The following CSMD1 variants were observed in gnomAD, a reference collection of about 807,000 sequenced individuals.
CSMD1 encodes CUB and sushi domain-containing protein 1.
In CSMD1, 213 loss-of-function variants were observed where a neutral mutation model predicts 417.5. The observed-to-expected ratio is 0.51, with a 90% CI of 0.46 to 0.57. CSMD1 has a LOEUF of 0.57. Among genes scored for constraint, CSMD1 ranks in the 20% least tolerant of loss-of-function variants. CSMD1 has a pLI of 0.00. For missense variants in CSMD1, 6,923 were observed against 4,529.7 expected, an observed-to-expected ratio of 1.53 and a Z score of -15.17; for synonymous variants, 2,862 against 1,736.8, an observed-to-expected ratio of 1.65 and a Z score of -16.11.
intron 3 of CSMD1, among the ~76,000 whole-genome samples, chr8:4,052,435 G>C (rs113795295): frequency 3.3e-5 from 5 of 152,138 alleles, no homozygotes; most frequent in African/African-American, 9.7e-5. Context: ...CAAATATCTT[G>C]TAGTGAGGGG....
intron 1 of CSMD1, among the ~76,000 whole-genome samples, chr8:4,918,392 C>A (rs750270189): frequency 6.6e-6 from 1 of 152,152 alleles, no homozygotes; most frequent in Non-Finnish European, 1.5e-5. Context: ...CAGATTCAGA[C>A]CTTTCTGCCG....
intron 3 of CSMD1, among the ~76,000 whole-genome samples, chr8:4,084,990 G>A (rs577902778): frequency 2.1e-4 from 32 of 151,678 alleles, no homozygotes; most frequent in East Asian, 3.9e-4. Context: ...CACAGCAGGC[G>A]CGTGACAGGG....
chr8:4,011,284 T>C (rs1816514884), intron 4 of CSMD1, among the ~76,000 whole-genome samples: 1 of 152,230 alleles, frequency 6.6e-6, no homozygotes, highest in African/African-American at 2.4e-5. Context: ...CGACTATTTG[T>C]GTTTTTAGTG....
intron 41 of CSMD1, among the ~76,000 whole-genome samples, chr8:3,130,626 C>T (rs1226536409): frequency 6.6e-6 from 1 of 152,058 alleles, no homozygotes; most frequent in Non-Finnish European, 1.5e-5. Flanking sequence ...AGCCTTGTTC[C>T]TTTCTCTTCT....
intron 3 of CSMD1, among the ~76,000 whole-genome samples, chr8:4,309,388 G>A (rs1369912791): frequency 6.6e-6 from 1 of 151,906 alleles, no homozygotes; most frequent in African/African-American, 2.4e-5. Context: ...CCTTAGAGAA[G>A]ACCCTCAAAA....
intron 5 of CSMD1, among the ~76,000 whole-genome samples, chr8:3,933,046 G>A (rs919970760): frequency 3.0e-5 from 4 of 133,030 alleles, no homozygotes; most frequent in Non-Finnish European, 6.4e-5. Flanking sequence ...AAAAAAAACT[G>A]CTTGTGGCAA....
At chr8:4,310,060 G>A (rs1482667171) in intron 3 of CSMD1, among the ~76,000 whole-genome samples, 2 of 152,152 alleles carry the variant, frequency 1.3e-5, no homozygotes, top group South Asian at 2.1e-4. Context: ...GAAAGATGAA[G>A]TATCAGGAAT....
intron 36 of CSMD1, among the ~76,000 whole-genome samples, chr8:3,183,950 T>C: frequency 6.6e-6 from 1 of 152,208 alleles, no homozygotes; most frequent in East Asian, 1.9e-4. Context: ...TTTTCCTAAT[T>C]CAATGCATTC....
chr8:3,882,708 T>G (rs1806287023), intron 5 of CSMD1, among the ~76,000 whole-genome samples: 1 of 152,200 alleles, frequency 6.6e-6, no homozygotes, highest in Non-Finnish European at 1.5e-5. Flanking sequence ...AAGGAACACA[T>G]TACAAATGTG....
intron 1 of CSMD1, among the ~76,000 whole-genome samples, chr8:4,828,009 C>T (rs1383741333): frequency 1.3e-5 from 2 of 152,076 alleles, no homozygotes; most frequent in Non-Finnish European, 2.9e-5. Context: ...ATGCAAAATG[C>T]ATGTTATATA....
chr8:3,412,884 T>C (rs1410931234), intron 12 of CSMD1, among the ~76,000 whole-genome samples: 1 of 152,232 alleles, frequency 6.6e-6, no homozygotes, highest in East Asian at 1.9e-4. Flanking sequence ...GCATGGTTTA[T>C]AATAGAAAAG....
At chr8:3,253,560 CT>C (rs1800429449) in intron 26 of CSMD1, among the ~76,000 whole-genome samples, 1 of 152,164 alleles carries the variant, frequency 6.6e-6, no homozygotes, top group Non-Finnish European at 1.5e-5. Flanking sequence ...TGGAGCAGTG[CT>C]GAGTTCAATT....
At chr8:3,765,079 C>A (rs577210487) in intron 5 of CSMD1, among the ~76,000 whole-genome samples, 1 of 152,110 alleles carries the variant, frequency 6.6e-6, no homozygotes, top group African/African-American at 2.4e-5. Flanking sequence ...TTTTTCATAG[C>A]TTTCAAACAC....
intron 3 of CSMD1, among the ~76,000 whole-genome samples, chr8:4,388,303 T>TACACACACACACACACAC (rs748455037): frequency 8.5e-6 from 1 of 117,136 alleles, no homozygotes; most frequent in Admixed American, 8.5e-5. Context: ...GAAACTGTGA[T>TACACACACACACACACAC]ACACACACAC....
intron 3 of CSMD1, among the ~76,000 whole-genome samples, chr8:4,235,562 T>A (rs1801997145): frequency 6.6e-6 from 1 of 152,182 alleles, no homozygotes; most frequent in Non-Finnish European, 1.5e-5. Context: ...TATTTTCTTG[T>A]GCTTTTATAA....
chr8:4,741,762 A>G (rs1216771935), intron 1 of CSMD1, among the ~76,000 whole-genome samples: 1 of 152,096 alleles, frequency 6.6e-6, no homozygotes, highest in African/African-American at 2.4e-5. Flanking sequence ...TCAGGCCCCA[A>G]CCCAGACCTG....
intron 2 of CSMD1, among the ~76,000 whole-genome samples, chr8:4,450,071 T>G (rs1042720438): frequency 6.6e-6 from 1 of 152,186 alleles, no homozygotes; most frequent in East Asian, 1.9e-4. Flanking sequence ...ACCAAGGACT[T>G]CCTCGTCCTG....
chr8:4,617,832 T>G (rs996901418), intron 2 of CSMD1, among the ~76,000 whole-genome samples: 1 of 152,156 alleles, frequency 6.6e-6, no homozygotes, highest in African/African-American at 2.4e-5. Context: ...ATGAGTATAT[T>G]CATTGGAAGA....
At chr8:4,931,952 C>G (rs1423244926) in intron 1 of CSMD1, among the ~76,000 whole-genome samples, 1 of 151,898 alleles carries the variant, frequency 6.6e-6, no homozygotes. Context: ...TCTTGTGTAA[C>G]ATGTATTAGT....
Sources: allele counts gnomAD v4.1 joint callset (sites outside exome capture counted in the v4.1 genomes callset), GRCh38; gene constraint gnomAD v4.1.1; transcripts MANE v1.5; gene names NCBI Gene and HGNC (gene_info 2026-07-23, HGNC 2026-07-21).